Variants in LOXHD1 observed in about 807,000 individuals in gnomAD.
The protein encoded by LOXHD1 is lipoxygenase homology domain-containing protein 1.
LOXHD1 carries 205 observed loss-of-function variants against 248.2 expected under a neutral mutation model. The ratio of observed to expected loss-of-function variants is 0.83; its 90% CI spans 0.74 to 0.93. The LOEUF (loss-of-function observed/expected upper bound fraction) is 0.93, where lower values mean the gene tolerates loss of function less well. LOXHD1 is among the 40% of genes least tolerant of loss of function. The pLI is 0.00. For synonymous variants in LOXHD1, 1,113 were observed against 1,162.8 expected (o/e 0.96, Z 0.87); for missense variants, 2,930 against 2,971.6 (o/e 0.99, Z 0.33).
chr18:46,506,664 G>C (rs2034594381), intron 36 of LOXHD1, among the ~76,000 whole-genome samples: 1 of 152,206 alleles, frequency 6.6e-6, no homozygotes, highest in South Asian at 2.1e-4. Flanking sequence ...TCCATTGTGA[G>C]AATAGGAAGA....
intron 27 of LOXHD1, chr18:46,533,754 T>A (rs770387090): frequency 5.7e-5 from 18 of 313,932 alleles, no homozygotes; most frequent in Non-Finnish European, 1.1e-4. Flanking sequence ...TGAAACCCCA[T>A]CTCTACTAAC....
intron 33 of LOXHD1, chr18:46,519,142 G>T (rs1303469965): frequency 2.4e-5 from 23 of 965,016 alleles, no homozygotes; most frequent in Middle Eastern, 5.3e-4. Flanking sequence ...TTTGGTCCCA[G>T]ATTCTTACTC....
At chr18:46,620,651 A>G (rs1254153980) in intron 4 of LOXHD1, among the ~76,000 whole-genome samples, 3 of 152,182 alleles carry the variant, frequency 2.0e-5, no homozygotes, top group Non-Finnish European at 2.9e-5. Context: ...GAGACACCTG[A>G]CAGTTAGCAT....
At chr18:46,507,828 A>C in intron 35 of LOXHD1, 116 bp from the exon 36 acceptor site, 1 of 1,156,684 alleles carries the variant, frequency 8.6e-7, no homozygotes, top group Non-Finnish European at 1.2e-6. Context: ...GACCTGAGAC[A>C]AGCGCTTGCG....
chr18:46,549,583 T>C (rs1463050902), intron 21 of LOXHD1, among the ~76,000 whole-genome samples: 3 of 152,096 alleles, frequency 2.0e-5, no homozygotes, highest in Admixed American at 6.6e-5. Context: ...GAAGGCTGGG[T>C]GAGATGACCT....
intron 12 of LOXHD1, among the ~76,000 whole-genome samples, chr18:46,583,109 T>C (rs111804587): frequency 8.7e-4 from 132 of 152,264 alleles, no homozygotes; most frequent in African/African-American, 3.1e-3. Flanking sequence ...CATTTTTCTA[T>C]TCAAAGTCAC....
intron 2 of LOXHD1, among the ~76,000 whole-genome samples, chr18:46,643,843 T>TA (rs544843922): frequency 7.3e-5 from 11 of 150,906 alleles, no homozygotes; most frequent in East Asian, 1.9e-4. Context: ...AATCCTATTG[T>TA]AAAAAAAAAT....
intron 12 of LOXHD1, among the ~76,000 whole-genome samples, chr18:46,584,095 C>T (rs930993603): frequency 5.3e-5 from 8 of 151,850 alleles, no homozygotes; most frequent in East Asian, 1.9e-4. Context: ...ATAAGCCAGA[C>T]GCAGAAAGAC....
At chr18:46,539,025 C>G (rs564778668) in intron 25 of LOXHD1, among the ~76,000 whole-genome samples, 287 of 152,300 alleles carry the variant, frequency 1.9e-3, no homozygotes, top group African/African-American at 6.7e-3. Flanking sequence ...GACTATCTCC[C>G]CTAGAAAGAG....
Position 46,550,505 on chromosome 18 carries a change from G to A in LOXHD1, c.3351-3447C>T, listed in dbSNP as rs531160244. ...GGAGAATGGCGTGAACCCAGGAAGC[G>A]GAGCTTGCAGTGAGCCGAGATTGCG... On this transcript the variant is annotated intron_variant, in intron 21 of 40. Coordinates refer to ENST00000642948, the MANE Select transcript of LOXHD1 (RefSeq NM_001384474.1). Among the ~76,000 whole-genome samples the A allele has an allele frequency of 2.4e-3, 358 of 148,018 alleles. 2 individuals are homozygous for A. Among genetic ancestry groups the A allele is most frequent in the African/African-American group, 8.4e-3 (341 of 40,458 alleles).
intron 8 of LOXHD1, among the ~76,000 whole-genome samples, chr18:46,595,355 G>C (rs2038241595): frequency 1.3e-5 from 2 of 152,136 alleles, no homozygotes; most frequent in South Asian, 4.1e-4. Flanking sequence ...CAAACTTCCA[G>C]AGAAATGCTC....
chr18:46,572,889 G>A (rs533623465), intron 14 of LOXHD1, among the ~76,000 whole-genome samples: 1 of 151,890 alleles, frequency 6.6e-6, no homozygotes. Context: ...CAGGTGTGGT[G>A]GTGGGCGCCT....
Position 46,477,918 on chromosome 18 carries a change from T to C in LOXHD1, c.6376A>G (p.Lys2126Glu). 6.4e-7 allele frequency: 1 copy of C among 1,550,668 alleles called. No individual in the cohort carries two copies. ...FFNCDCLIPL[K>E]RKRKYFKVFE... ...ACCTTGAAGTACTTCCTCTTCCTCTTGAGGGGGATGAGGCAGTCACAGTTA... is the reference window on the plus strand; with the variant it reads ...ACCTTGAAGTACTTCCTCTTCCTCTCGAGGGGGATGAGGCAGTCACAGTTA... Residue 2126 changes from lysine to glutamate, a missense_variant, in exon 41 of 41, where the codon AAG becomes GAG. By Grantham distance (56) the Lys-to-Glu change is moderately conservative. Transcript: ENST00000642948.
intron 38 of LOXHD1, among the ~76,000 whole-genome samples, chr18:46,488,451 C>G (rs1235965680): frequency 6.6e-6 from 1 of 152,236 alleles, no homozygotes; most frequent in East Asian, 1.9e-4. Flanking sequence ...CTCTTCCAAT[C>G]TGTTGGGCCC....
intron 21 of LOXHD1, chr18:46,555,148 C>T (rs1207234126): frequency 2.1e-6 from 1 of 471,016 alleles, no homozygotes; most frequent in Non-Finnish European, 4.4e-6. Flanking sequence ...CAAGGGGAAG[C>T]TGGGGATGTT....
In LOXHD1 at chr18:46,560,113, A is replaced by C. The variant is rs1186095529; in HGVS notation, c.3031T>G (p.Leu1011Val). 1 of 1,388,222 alleles carries C rather than the reference A, an allele frequency of 7.2e-7. No homozygotes were observed. Among genetic ancestry groups the C allele is most frequent in the Non-Finnish European group, 9.5e-7 (1 of 1,049,184 alleles). 86.0% of individuals were successfully genotyped at this position (1,388,222 alleles called of 1,614,324 possible). A position where few individuals can be genotyped will look rare whatever the true frequency, so the allele number is the denominator to read the frequency against. The stretch of plus-strand genomic sequence containing the variant: ...GGACCCGGCTTGCCAGCTGGCACCA[A>C]CTCCACGACAAGTTCGTTGTCCTCC... ...GKEDNELVVE[L>V]VPAGKPGPER... The change falls in exon 19 of 41, where the codon TTG becomes GTG. Residue 1011 changes from leucine to valine, a missense_variant. Leu to Val is a conservative substitution (Grantham distance 32). Coordinates refer to ENST00000642948, the MANE Select transcript of LOXHD1 (RefSeq NM_001384474.1).
intron 4 of LOXHD1, among the ~76,000 whole-genome samples, chr18:46,624,672 T>A (rs1268915927): frequency 6.6e-6 from 1 of 152,140 alleles, no homozygotes; most frequent in South Asian, 2.1e-4. Flanking sequence ...CACCCTCCCA[T>A]CATCACTTTG....
intron 40 of LOXHD1, among the ~76,000 whole-genome samples, chr18:46,478,652 T>C (rs1167997402): frequency 6.6e-6 from 1 of 152,178 alleles, no homozygotes; most frequent in African/African-American, 2.4e-5. Flanking sequence ...GATCTGACTC[T>C]CCTCTTCCTG....
rs186138859 is a variant in LOXHD1, at chr18:46,593,718, T to C, written c.1313A>G (p.Lys438Arg). ...GAAGATGGGAGAGTTGGTACCAGCT[T>C]TCTTTAGGTCGGTTGTCCAGACCCA... The part of the protein sequence containing the change: ...SLWVWTTDLK[K>R]AGTNSPIFIQ... Residue 438 changes from lysine (K) to arginine (R), a missense_variant, in exon 10 of 41, where the codon AAA becomes AGA. By Grantham distance (26) the Lys-to-Arg change is conservative. Coordinates refer to ENST00000642948, the MANE Select transcript of LOXHD1 (RefSeq NM_001384474.1). 195 of 1,552,188 alleles carry C rather than the reference T, an allele frequency of 1.3e-4. 3 individuals are homozygous for C. In the East Asian group the frequency reaches 4.0e-3, roughly 32 times the overall value.
Sources: allele counts gnomAD v4.1 joint callset (sites outside exome capture counted in the v4.1 genomes callset), GRCh38; gene constraint gnomAD v4.1.1; transcripts MANE v1.5; gene names NCBI Gene and HGNC (gene_info 2026-07-23, HGNC 2026-07-21).